Variants in CHIC1 observed in about 807,000 individuals in gnomAD.
The protein encoded by CHIC1 is cysteine rich hydrophobic domain 1.
In CHIC1, 7 loss-of-function variants were observed where a neutral mutation model predicts 18.5. That is an observed-to-expected ratio of 0.38 (90% CI 0.22 to 0.71). The LOEUF is 0.71. CHIC1 is among the 30% of genes least tolerant of loss of function. The pLI, the probability that CHIC1 is intolerant of heterozygous loss-of-function variation, is 0.49. For missense variants in CHIC1, 159 were observed against 176.9 expected, an observed-to-expected ratio of 0.90 and a Z score of 0.57; for synonymous variants, 77 against 73.5, an observed-to-expected ratio of 1.05 and a Z score of -0.25.
At chrX:73,633,226 C>A (rs2057816173) in intron 3 of CHIC1, among the ~76,000 whole-genome samples, 1 of 105,730 alleles carries the variant, frequency 9.5e-6, no homozygotes, top group Non-Finnish European at 1.9e-5. Context: ...TTACATCCCT[C>A]CCCCCACTGC....
chrX:73,677,904 C>T (rs1289234117), intron 3 of CHIC1, among the ~76,000 whole-genome samples: 4 of 111,357 alleles, frequency 3.6e-5, no homozygotes, highest in African/African-American at 1.3e-4. Flanking sequence ...TTCTTAAGAT[C>T]ATTTTTAATG....
At chrX:73,635,260 T>C (rs1157701047) in intron 3 of CHIC1, among the ~76,000 whole-genome samples, 3 of 112,246 alleles carry the variant, frequency 2.7e-5, no homozygotes, top group African/African-American at 9.7e-5. Context: ...ATCCTTTTAT[T>C]ATGCTACTGA....
chrX:73,599,102 A>C (rs1318496462), intron 3 of CHIC1, among the ~76,000 whole-genome samples: 1 of 109,257 alleles, frequency 9.2e-6, no homozygotes, highest in Non-Finnish European at 1.9e-5. Context: ...GCATTTTTTC[A>C]TGTGTTTTTT....
chrX:73,633,128 T>C (rs1244236916), intron 3 of CHIC1, among the ~76,000 whole-genome samples: 2 of 111,363 alleles, frequency 1.8e-5, no homozygotes, highest in African/African-American at 6.5e-5. Flanking sequence ...CTTTTATATG[T>C]TTTTATGTTG....
intron 3 of CHIC1, among the ~76,000 whole-genome samples, chrX:73,651,933 C>A (rs186735905): frequency 4.0e-4 from 45 of 112,019 alleles, no homozygotes; most frequent in Admixed American, 1.9e-3. Context: ...ATAGCCAAGA[C>A]AGTTCTAAGC....
chrX:73,671,408 T>C (rs751086767), intron 3 of CHIC1, among the ~76,000 whole-genome samples: 1 of 112,190 alleles, frequency 8.9e-6, no homozygotes, highest in Non-Finnish European at 1.9e-5. Flanking sequence ...CTTCTAGAAC[T>C]CCCACACGTC....
chrX:73,653,817 C>T (rs1295551013), intron 3 of CHIC1, among the ~76,000 whole-genome samples: 4 of 111,709 alleles, frequency 3.6e-5, no homozygotes, highest in Non-Finnish European at 7.5e-5. Flanking sequence ...TTTTTTGTAT[C>T]TATTGTAAAT....
intron 1 of CHIC1, among the ~76,000 whole-genome samples, chrX:73,570,646 A>G (rs188224516): frequency 1.4e-4 from 16 of 111,519 alleles, no homozygotes; most frequent in East Asian, 5.7e-4. Context: ...TCAGTATACA[A>G]TTAAAGATGA....
chrX:73,631,327 G>A (rs1160997990), intron 3 of CHIC1, among the ~76,000 whole-genome samples: 2 of 110,969 alleles, frequency 1.8e-5, no homozygotes, highest in Non-Finnish European at 3.8e-5. Flanking sequence ...TACTTGAGGT[G>A]TAAAATTAGG....
intron 3 of CHIC1, among the ~76,000 whole-genome samples, chrX:73,656,414 T>C (rs1271885976): frequency 2.7e-5 from 3 of 112,145 alleles, no homozygotes; most frequent in Non-Finnish European, 5.6e-5. Flanking sequence ...GATTTTCTTT[T>C]AGGGATTTTA....
At chrX:73,588,529 C>G (rs1377725352) in intron 3 of CHIC1, among the ~76,000 whole-genome samples, 5 of 111,101 alleles carry the variant, frequency 4.5e-5, no homozygotes, top group African/African-American at 1.3e-4. Context: ...TTATCACCTG[C>G]AAGGAAAATC....
rs992341182 is a variant in CHIC1, at chrX:73,664,833, G to C, written c.508-14493G>C. On this transcript the variant is annotated intron_variant, in intron 3 of 5. Transcript: ENST00000373502. ...GCCACTTGATTCTGGTTGGCTTGTTGTTCGCACAACTCATCATATTCTGCC... is the reference window on the plus strand; with the variant it reads ...GCCACTTGATTCTGGTTGGCTTGTTCTTCGCACAACTCATCATATTCTGCC... Among the ~76,000 whole-genome samples the C allele has an allele frequency of 4.5e-5, 5 of 111,188 alleles. No individual in the cohort carries two copies. The Admixed American group carries it at 4.8e-4, about 11-fold the overall frequency.
chrX:73,617,098 C>CT (rs1184216105), intron 3 of CHIC1, among the ~76,000 whole-genome samples: 1 of 111,919 alleles, frequency 8.9e-6, no homozygotes, highest in Non-Finnish European at 1.9e-5. Flanking sequence ...CTCTTGAATG[C>CT]TTTGCTGCTT....
At chrX:73,632,815 C>G (rs2057813982) in intron 3 of CHIC1, among the ~76,000 whole-genome samples, 1 of 92,376 alleles carries the variant, frequency 1.1e-5, no homozygotes, top group South Asian at 5.5e-4. Flanking sequence ...GTCACCCAGG[C>G]TGGAGTGCAG....
intron 5 of CHIC1, among the ~76,000 whole-genome samples, chrX:73,680,097 G>T (rs1173102376): frequency 6.9e-5 from 7 of 100,906 alleles, no homozygotes; most frequent in Non-Finnish European, 1.2e-4. Flanking sequence ...CCTATTACTG[G>T]CTTTTTTTTT....
intron 3 of CHIC1, among the ~76,000 whole-genome samples, chrX:73,646,930 A>G (rs892720094): frequency 8.9e-6 from 1 of 112,427 alleles, no homozygotes; most frequent in African/African-American, 3.2e-5. Flanking sequence ...TCATAGTTTC[A>G]GGTCTTACAT....
At chrX:73,636,593 T>C (rs757229225) in intron 3 of CHIC1, among the ~76,000 whole-genome samples, 1 of 111,995 alleles carries the variant, frequency 8.9e-6, no homozygotes, top group African/African-American at 3.2e-5. Context: ...TTGTCCCTTA[T>C]TGCTTTCCCT....
intron 3 of CHIC1, among the ~76,000 whole-genome samples, chrX:73,668,405 G>A (rs1393999105): frequency 8.9e-6 from 1 of 112,091 alleles, no homozygotes; most frequent in East Asian, 2.8e-4. Context: ...GCCCTTGCTG[G>A]AGAAGTGTTG....
At chrX:73,585,973 C>T (rs984041054) in intron 3 of CHIC1, among the ~76,000 whole-genome samples, 6 of 111,299 alleles carry the variant, frequency 5.4e-5, no homozygotes, top group Admixed American at 3.8e-4. Context: ...TATTCTGGTT[C>T]GCAAATCTGT....
Sources: gnomAD v4.1 joint callset for allele counts (sites outside exome capture counted in the v4.1 genomes callset) on GRCh38, gnomAD v4.1.1 for gene constraint, MANE v1.5 for transcripts, NCBI Gene and HGNC (gene_info 2026-07-23, HGNC 2026-07-21) for gene names.